PABPC4L: variants seen among roughly 807,000 people sequenced by gnomAD.
PABPC4L encodes poly(A) binding protein cytoplasmic 4 like, also known as polyadenylate-binding protein 4-like.
For missense variants in PABPC4L, 452 were observed against 451.4 expected (o/e 1.00, Z -0.01); for synonymous variants, 169 against 164.1 (o/e 1.03, Z -0.23).
the PABPC4L span, among the ~76,000 whole-genome samples, chr4:134,091,027 A>G: frequency 0.01 from 1,596 of 152,068 alleles, 15 homozygotes; most frequent in Non-Finnish European, 0.017. Flanking sequence ...TAACCTGTGC[A>G]GTGATATAAG....
At chr4:134,046,200 G>A in the PABPC4L span, among the ~76,000 whole-genome samples, 1 of 152,094 alleles carries the variant, frequency 6.6e-6, no homozygotes, top group Non-Finnish European at 1.5e-5. Flanking sequence ...CAAGGGGAAT[G>A]GGGCAGGAGG....
chr4:134,122,714 T>C, the PABPC4L span, among the ~76,000 whole-genome samples: 21 of 151,850 alleles, frequency 1.4e-4, no homozygotes, highest in Non-Finnish European at 2.5e-4. Flanking sequence ...GTCTCTCTAA[T>C]TTGCTTCTCT....
the PABPC4L span, among the ~76,000 whole-genome samples, chr4:134,043,690 A>G: frequency 1.3e-5 from 2 of 152,100 alleles, no homozygotes; most frequent in South Asian, 2.1e-4. Context: ...AAAACAAAAT[A>G]CATCAGACAC....
At chr4:134,184,358 T>C in the PABPC4L span, among the ~76,000 whole-genome samples, 2 of 152,116 alleles carry the variant, frequency 1.3e-5, no homozygotes, top group East Asian at 3.9e-4. Context: ...TATATCTAAA[T>C]GTAAAATATG....
the PABPC4L span, among the ~76,000 whole-genome samples, chr4:134,154,317 G>C: frequency 6.6e-6 from 1 of 152,006 alleles, no homozygotes; most frequent in Non-Finnish European, 1.5e-5. Flanking sequence ...TTATCTAGGC[G>C]TGGTGGCGCA....
the PABPC4L span, among the ~76,000 whole-genome samples, chr4:134,032,367 G>A: frequency 2.0e-5 from 3 of 151,816 alleles, no homozygotes; most frequent in South Asian, 2.1e-4. Context: ...GCACAGTGAG[G>A]AGAAGCAGGG....
At chr4:133,983,171 A>G in the PABPC4L span, among the ~76,000 whole-genome samples, 1 of 152,020 alleles carries the variant, frequency 6.6e-6, no homozygotes, top group African/African-American at 2.4e-5. Context: ...TTTAGTTCTT[A>G]CAGTGTCAAA....
chr4:134,021,125 A>G, the PABPC4L span, among the ~76,000 whole-genome samples: 1 of 152,146 alleles, frequency 6.6e-6, no homozygotes, highest in Non-Finnish European at 1.5e-5. Context: ...ATTCTTTCCC[A>G]CAAAAAAAGC....
At chr4:134,182,700 T>A in the PABPC4L span, among the ~76,000 whole-genome samples, 1 of 151,890 alleles carries the variant, frequency 6.6e-6, no homozygotes, top group Non-Finnish European at 1.5e-5. Flanking sequence ...ATTTGCAAAC[T>A]ACTAATCCAA....
chr4:133,987,283 T>C, the PABPC4L span, among the ~76,000 whole-genome samples: 1 of 152,190 alleles, frequency 6.6e-6, no homozygotes, highest in Non-Finnish European at 1.5e-5. Context: ...GGTGATAAGC[T>C]GCAAGGCTTA....
the PABPC4L span, among the ~76,000 whole-genome samples, chr4:133,951,803 TC>T: frequency 6.6e-6 from 1 of 151,988 alleles, no homozygotes; most frequent in Non-Finnish European, 1.5e-5. Context: ...AGGGTCAGGT[TC>T]CCCTTCTAGT....
chr4:134,197,339 T>C lies in PABPC4L; in HGVS notation c.*2568A>G, dbSNP rs1729692895. ...ACTTTTTATGAACCAAAATTTTAGT[T>C]AGAAGCATTGAGAATATGAAAATCT... On this transcript the variant is annotated 3_prime_UTR_variant, in exon 2 of 2. Transcript: ENST00000421491. 1 of 151,704 alleles carries C rather than the reference T, an allele frequency of 6.6e-6. No homozygotes were observed. Among genetic ancestry groups the C allele is most frequent in the Non-Finnish European group, 1.5e-5 (1 of 67,656 alleles). The allele number at this position is 151,704 out of a possible 1,614,324, so 9.4% of individuals were successfully genotyped here.
At chr4:133,984,442 C>T in the PABPC4L span, among the ~76,000 whole-genome samples, 1 of 151,754 alleles carries the variant, frequency 6.6e-6, no homozygotes, top group African/African-American at 2.4e-5. Context: ...CATTTTTTCA[C>T]TTTGTGAGCA....
chr4:133,974,259 T>C, the PABPC4L span, among the ~76,000 whole-genome samples: 1 of 152,142 alleles, frequency 6.6e-6, no homozygotes, highest in African/African-American at 2.4e-5. Context: ...TAATGGAGAA[T>C]AGTCTTTTCA....
At chr4:134,137,192 A>G in the PABPC4L span, among the ~76,000 whole-genome samples, 1 of 152,046 alleles carries the variant, frequency 6.6e-6, no homozygotes, top group Non-Finnish European at 1.5e-5. Flanking sequence ...TCCCCAGTAT[A>G]CAGACATATT....
the PABPC4L span, among the ~76,000 whole-genome samples, chr4:134,002,293 T>G: frequency 1.8e-3 from 280 of 151,958 alleles, 1 homozygote; most frequent in African/African-American, 6.3e-3. Context: ...TACAAAATAT[T>G]ATATTAAAGT....
In PABPC4L at chr4:134,199,868, C is replaced by G; in HGVS notation, c.*39G>C. 1 of 1,544,012 alleles carries G rather than the reference C, an allele frequency of 6.5e-7. No homozygotes were observed. Among genetic ancestry groups the G allele is most frequent in the South Asian group, 1.2e-5 (1 of 82,748 alleles). ...GCAGAGATCACTATCATTCTCCCAC[C>G]TGCTGCAGATACTAGCTGGAAAGGT... On this transcript the variant is annotated 3_prime_UTR_variant, in exon 2 of 2. Transcript: ENST00000421491.
At chr4:133,985,900 G>A in the PABPC4L span, among the ~76,000 whole-genome samples, 1 of 151,980 alleles carries the variant, frequency 6.6e-6, no homozygotes, top group African/African-American at 2.4e-5. Flanking sequence ...GGTTTCCAAA[G>A]CTATAGCAAT....
chr4:133,997,897 C>T, the PABPC4L span, among the ~76,000 whole-genome samples: 183 of 152,052 alleles, frequency 1.2e-3, no homozygotes, highest in African/African-American at 4.1e-3. Context: ...TTTTAACATG[C>T]ATGTTTTAAT....
Sources: allele counts gnomAD v4.1 joint callset (sites outside exome capture counted in the v4.1 genomes callset), GRCh38; gene constraint gnomAD v4.1.1; transcripts MANE v1.5; gene names NCBI Gene and HGNC (gene_info 2026-07-23, HGNC 2026-07-21).